The following PPP2R2C variants were observed in gnomAD, a reference collection of about 807,000 sequenced individuals.
The protein encoded by PPP2R2C is protein phosphatase 2 regulatory subunit Bgamma.
PPP2R2C carries 10 observed loss-of-function variants against 45.3 expected under a neutral mutation model. The ratio of observed to expected loss-of-function variants is 0.22; its 90% CI spans 0.14 to 0.37. PPP2R2C has a LOEUF of 0.37. Among genes scored for constraint, PPP2R2C ranks in the 10% least tolerant of loss-of-function variants. The probability of loss-of-function intolerance (pLI) is 1.00; values close to 1 mark genes in which losing one functional copy is unlikely to be tolerated. For synonymous variants in PPP2R2C, 257 were observed against 245.4 expected (o/e 1.05, Z -0.44); for missense variants, 308 against 619.7 (o/e 0.50, Z 5.34).
At chr4:6,414,840 T>A (rs369820946) in intron 1 of PPP2R2C, among the ~76,000 whole-genome samples, 1 of 152,120 alleles carries the variant, frequency 6.6e-6, no homozygotes, top group Non-Finnish European at 1.5e-5. Flanking sequence ...AGGGGCCTCA[T>A]CTGAAAGCCC....
In PPP2R2C at chr4:6,328,068, A is replaced by G. The variant is rs1732101568; in HGVS notation, c.1052+1194T>C. 6.6e-6 allele frequency among the ~76,000 whole-genome samples: 1 copy of G among 151,960 alleles called. No individual in the cohort carries two copies. The highest frequency in any genetic ancestry group is 1.5e-5 in the Non-Finnish European group (1 of 67,960). ...GTGCGGCAGCTCTCACATGACCACCACAGTGCCAGCCACCCTCAGAGGTCT... is the reference window on the plus strand; with the variant it reads ...GTGCGGCAGCTCTCACATGACCACCGCAGTGCCAGCCACCCTCAGAGGTCT... On this transcript the variant is annotated intron_variant, in intron 8 of 8. Coordinates refer to ENST00000382599, the MANE Select transcript of PPP2R2C (RefSeq NM_020416.4). The surrounding 1 kb of genome is among the most constrained non-coding windows in gnomAD (Gnocchi z 4.4).
In PPP2R2C at chr4:6,323,210, A is replaced by G; in HGVS notation, c.*92T>C. On this transcript the variant is annotated 3_prime_UTR_variant, in exon 9 of 9. Coordinates refer to ENST00000382599, the MANE Select transcript of PPP2R2C (RefSeq NM_020416.4). ...TGCAGCTGTCCTCATCAGTGCTGTG[A>G]CTTTCTTCCCCTCCTTGCATTGCGG... 6.9e-7 allele frequency: 1 copy of G among 1,449,404 alleles called. No homozygotes were observed. Among genetic ancestry groups the G allele is most frequent in the South Asian group, 1.4e-5 (1 of 72,838 alleles). The allele number at this position is 1,449,404 out of a possible 1,614,324, so 89.8% of individuals were successfully genotyped here.
Position 6,413,855 on chromosome 4 carries a change from C to T in PPP2R2C, c.71-32761G>A, listed in dbSNP as rs779579012. On this transcript the variant is annotated intron_variant, in intron 1 of 8. Coordinates refer to ENST00000382599, the MANE Select transcript of PPP2R2C (RefSeq NM_020416.4). ...TCCCACTCAGGGCTGGCCAGCTCCACGATGGGGACCCTCCCAACTCTCATG... is the reference window on the plus strand; with the variant it reads ...TCCCACTCAGGGCTGGCCAGCTCCATGATGGGGACCCTCCCAACTCTCATG... 6.9e-5 allele frequency: 106 copies of T among 1,535,592 alleles called. No homozygotes were observed. The African/African-American group carries it at 8.5e-4, about 12-fold the overall frequency.
intron 1 of PPP2R2C, among the ~76,000 whole-genome samples, chr4:6,398,032 G>C (rs1717163364): frequency 1.3e-5 from 2 of 152,192 alleles, no homozygotes; most frequent in Admixed American, 6.5e-5. Flanking sequence ...AAGGCACTCA[G>C]GTGATTCCAC....
chr4:6,450,573 G>A (rs1214175716), intron 1 of PPP2R2C, among the ~76,000 whole-genome samples: 2 of 152,176 alleles, frequency 1.3e-5, no homozygotes, highest in Non-Finnish European at 2.9e-5. Context: ...CGGTGATAGG[G>A]GAGGGGCCTA....
chr4:6,483,587 T>C (rs1722435080), intron 2 of PPP2R2C, among the ~76,000 whole-genome samples: 1 of 152,172 alleles, frequency 6.6e-6, no homozygotes, highest in Admixed American at 6.5e-5. Flanking sequence ...TTTGGTGAAA[T>C]GTCTGTTCAG....
intron 1 of PPP2R2C, among the ~76,000 whole-genome samples, chr4:6,458,999 A>G (rs1721184029): frequency 6.6e-6 from 1 of 152,198 alleles, no homozygotes; most frequent in African/African-American, 2.4e-5. Context: ...GTAGCCTGAG[A>G]AGGAGGAGGA....
chr4:6,446,875 C>T lies in PPP2R2C; in HGVS notation c.70+25285G>A, dbSNP rs145231195. Among the ~76,000 whole-genome samples, 513 of 131,906 alleles carry T rather than the reference C, an allele frequency of 3.9e-3. 7 individuals carry two copies. Among genetic ancestry groups the T allele is most frequent in the East Asian group, 0.014 (67 of 4,720 alleles). The allele number at this position is 131,906 out of a possible 152,430, so 86.5% of individuals were successfully genotyped here. A position where few individuals can be genotyped will look rare whatever the true frequency, so the allele number is the denominator to read the frequency against. The stretch of plus-strand genomic sequence containing the variant: ...ATTCTTTTATAAAGCAAAGTGTCTG[C>T]TTGTAAAAAAAAAAAAACAAAACAT... On this transcript the variant is annotated intron_variant, in intron 1 of 8. Coordinates refer to ENST00000382599, the MANE Select transcript of PPP2R2C (RefSeq NM_020416.4).
chr4:6,515,516 G>A (rs983083058), intron 2 of PPP2R2C, among the ~76,000 whole-genome samples: 23 of 152,200 alleles, frequency 1.5e-4, no homozygotes, highest in Middle Eastern at 3.2e-3. Flanking sequence ...GTTTTCTCAT[G>A]CACAAAAAGA....
At chr4:6,393,877 AG>A (rs1716830433) in intron 1 of PPP2R2C, among the ~76,000 whole-genome samples, 1 of 152,248 alleles carries the variant, frequency 6.6e-6, no homozygotes, top group African/African-American at 2.4e-5. Context: ...GCTCAGAGCC[AG>A]GATGACACCC....
intron 1 of PPP2R2C, among the ~76,000 whole-genome samples, chr4:6,395,123 T>A (rs779668770): frequency 2.0e-5 from 3 of 152,086 alleles, no homozygotes; most frequent in Non-Finnish European, 4.4e-5. Flanking sequence ...GAAGGACTTT[T>A]CTAAAATGAA....
At chr4:6,419,438 GA>G (rs56998563) in intron 1 of PPP2R2C, among the ~76,000 whole-genome samples, 34,428 of 150,800 alleles carry the variant, frequency 0.23, 4,414 homozygotes, top group Admixed American at 0.37. Context: ...AAAAAAGAAA[GA>G]AAAGAAAAGA....
chr4:6,479,084 C>T (rs1193963932), intron 2 of PPP2R2C, among the ~76,000 whole-genome samples: 2 of 152,192 alleles, frequency 1.3e-5, no homozygotes, highest in African/African-American at 4.8e-5. Flanking sequence ...TATAACACAG[C>T]CAACCACAGG....
intron 5 of PPP2R2C, chr4:6,350,970 G>T (rs1290852441): frequency 2.0e-6 from 2 of 985,182 alleles, no homozygotes; most frequent in Non-Finnish European, 2.4e-6. Flanking sequence ...CCACCCAAAC[G>T]CTCTTTCCTT....
intron 5 of PPP2R2C, among the ~76,000 whole-genome samples, chr4:6,365,166 C>T (rs184051379): frequency 1.2e-4 from 19 of 152,298 alleles, no homozygotes; most frequent in African/African-American, 3.6e-4. Context: ...AAGTCCAATG[C>T]TCAACACAGA....
Position 6,378,573 on chromosome 4 carries a change from CT to C in PPP2R2C, c.169-2del. ...CCTGGCTGTGGGGCGCATTTTTACT[CT>C]GCAGGGAAACCCGGAGAAGGGGCCT... On this transcript the variant is annotated splice_acceptor_variant, in intron 2 of 8. Transcript: ENST00000382599. LOFTEE classifies it high-confidence loss of function. This position sits in a 1 kb window ranked among gnomAD's most constrained non-coding sequence, Gnocchi z 5.2. The C allele has an allele frequency of 6.2e-7, 1 of 1,611,942 alleles. No individual in the cohort carries two copies. Among genetic ancestry groups the C allele is most frequent in the Non-Finnish European group, 8.5e-7 (1 of 1,178,538 alleles).
At chr4:6,479,053 G>A (rs906484756) in intron 2 of PPP2R2C, among the ~76,000 whole-genome samples, 6 of 152,188 alleles carry the variant, frequency 3.9e-5, no homozygotes, top group Admixed American at 6.5e-5. Flanking sequence ...CCTCCAGGAT[G>A]GGGCTGCTAA....
chr4:6,342,263 C>G (rs1330487021), intron 6 of PPP2R2C, among the ~76,000 whole-genome samples: 1 of 152,158 alleles, frequency 6.6e-6, no homozygotes, highest in Admixed American at 6.6e-5. Flanking sequence ...TCCCCACCAA[C>G]AGCCGACTAT....
chr4:6,413,834 A>C, intron 1 of PPP2R2C: 1 of 1,529,364 alleles, frequency 6.5e-7, no homozygotes, highest in Non-Finnish European at 8.8e-7. Context: ...CGGGGCTCCC[A>C]CTCAGGGCTG....
Sources: gnomAD v4.1 joint callset for allele counts (sites outside exome capture counted in the v4.1 genomes callset) on GRCh38, gnomAD v4.1.1 for gene constraint, Gnocchi (gnomAD v3.1) non-coding constraint, MANE v1.5 for transcripts, NCBI Gene and HGNC (gene_info 2026-07-23, HGNC 2026-07-21) for gene names.